The following PLEKHG1 variants were observed in gnomAD, a reference collection of about 807,000 sequenced individuals.
PLEKHG1 encodes pleckstrin homology and RhoGEF domain containing G1, also known as pleckstrin homology domain-containing family G member 1.
Under a neutral mutation model 100.8 loss-of-function variants are expected in PLEKHG1, and 44 were observed. That is an observed-to-expected ratio of 0.44 (90% confidence interval 0.34 to 0.56). PLEKHG1 has a LOEUF of 0.56. Among genes scored for constraint, PLEKHG1 ranks in the 20% least tolerant of loss-of-function variants. The pLI is 0.01. For synonymous variants in PLEKHG1, 640 were observed against 662.5 expected, an observed-to-expected ratio of 0.97 and a Z score of 0.52; for missense variants, 1,545 against 1,720.9, an observed-to-expected ratio of 0.90 and a Z score of 1.81.
At chr6:150,659,173 C>T (rs1385867334) in intron 3 of PLEKHG1, among the ~76,000 whole-genome samples, 1 of 152,156 alleles carries the variant, frequency 6.6e-6, no homozygotes, top group Non-Finnish European at 1.5e-5. Context: ...AACTCGTGAA[C>T]CTCCTGTTCA....
At chr6:150,749,821 C>T (rs890083782) in intron 2 of PLEKHG1, among the ~76,000 whole-genome samples, 3 of 152,154 alleles carry the variant, frequency 2.0e-5, no homozygotes, top group African/African-American at 7.2e-5. Flanking sequence ...TGCCTGTAAT[C>T]CCAGCACTTT....
At chr6:150,781,699 A>G (rs767233327) in intron 3 of PLEKHG1, among the ~76,000 whole-genome samples, 1 of 152,136 alleles carries the variant, frequency 6.6e-6, no homozygotes, top group Non-Finnish European at 1.5e-5. Flanking sequence ...TGATCTTTCA[A>G]AGGGAGTCTT....
rs1452966578 is a variant in PLEKHG1 at position 150,794,767 on chromosome 6, G to C, written c.583-1089G>C. On this transcript the variant is annotated intron_variant, in intron 4 of 15. Coordinates refer to ENST00000358517, the Ensembl canonical transcript of PLEKHG1. The stretch of plus-strand genomic sequence containing the variant: ...GAATGATGGGGAAGCAGGGGAATGG[G>C]GGGTGGGGCAGAGACGAGGAGTTAA... Among the ~76,000 whole-genome samples the C allele has an allele frequency of 3.9e-5, 6 of 152,226 alleles. No homozygotes were observed. In the East Asian group the frequency reaches 5.8e-4, roughly 15 times the overall value.
intron 3 of PLEKHG1, among the ~76,000 whole-genome samples, chr6:150,781,615 C>T (rs898773426): frequency 1.3e-4 from 19 of 151,170 alleles, no homozygotes; most frequent in East Asian, 3.9e-4. Flanking sequence ...TTTTTTTAAA[C>T]GGGAAAAGAG....
intron 3 of PLEKHG1, among the ~76,000 whole-genome samples, chr6:150,701,758 A>C (rs369731954): frequency 6.6e-6 from 1 of 151,808 alleles, no homozygotes; most frequent in East Asian, 1.9e-4. Flanking sequence ...TTAAAAAACA[A>C]AAAAAAGAAT....
chr6:150,694,866 T>A, intron 3 of PLEKHG1, among the ~76,000 whole-genome samples: 1 of 152,190 alleles, frequency 6.6e-6, no homozygotes. Flanking sequence ...GCTGTAGTTC[T>A]TAGTAGCTGG....
intron 3 of PLEKHG1, among the ~76,000 whole-genome samples, chr6:150,684,377 C>G (rs938013176): frequency 6.6e-6 from 1 of 152,184 alleles, no homozygotes; most frequent in African/African-American, 2.4e-5. Flanking sequence ...TCGGGAATGA[C>G]GAATGCACAA....
intron 2 of PLEKHG1, among the ~76,000 whole-genome samples, chr6:150,643,789 G>GT (rs1254162478): frequency 6.6e-6 from 1 of 152,066 alleles, no homozygotes; most frequent in Non-Finnish European, 1.5e-5. Context: ...TAAAACTCAT[G>GT]TATCTACTGG....
chr6:150,773,546 T>C (rs935141837), intron 3 of PLEKHG1, among the ~76,000 whole-genome samples: 1 of 152,134 alleles, frequency 6.6e-6, no homozygotes, highest in Non-Finnish European at 1.5e-5. Flanking sequence ...AAAATAAAAA[T>C]AAAAATAACA....
chr6:150,621,110 A>G (rs1368027355), intron 1 of PLEKHG1, among the ~76,000 whole-genome samples: 1 of 152,182 alleles, frequency 6.6e-6, no homozygotes, highest in Non-Finnish European at 1.5e-5. Flanking sequence ...GAGTTGTTGC[A>G]AAGAGTCATT....
intron 2 of PLEKHG1, among the ~76,000 whole-genome samples, chr6:150,642,878 T>C (rs1326368473): frequency 2.0e-5 from 3 of 152,354 alleles, no homozygotes; most frequent in Non-Finnish European, 4.4e-5. Flanking sequence ...TATTTTTCTA[T>C]GTAACCCCAG....
chr6:150,677,798 G>A (rs1779809744), intron 3 of PLEKHG1, among the ~76,000 whole-genome samples: 1 of 151,952 alleles, frequency 6.6e-6, no homozygotes, highest in African/African-American at 2.4e-5. Flanking sequence ...GGTCACTTGA[G>A]CCTGGGAGTT....
At chr6:150,715,540 T>C (rs1781396726) in intron 3 of PLEKHG1, among the ~76,000 whole-genome samples, 1 of 148,760 alleles carries the variant, frequency 6.7e-6, no homozygotes, top group East Asian at 2.0e-4. Context: ...CAGGCTGGAG[T>C]GCAGTGGCAT....
chr6:150,664,196 C>T (rs1176059682), intron 3 of PLEKHG1: 1 of 152,206 alleles, frequency 6.6e-6, no homozygotes, highest in Non-Finnish European at 1.5e-5. Context: ...AAGAGGTTCC[C>T]TTGTCCATGT....
chr6:150,830,558 T>C, intron 14 of PLEKHG1, 24 bp from the exon 16 acceptor site: 1 of 1,538,908 alleles, frequency 6.5e-7, no homozygotes, highest in Non-Finnish European at 8.8e-7. Flanking sequence ...TGTGATTCAG[T>C]TGATATGTTT....
chr6:150,773,974 G>T (rs1784828388), intron 3 of PLEKHG1, among the ~76,000 whole-genome samples: 1 of 151,742 alleles, frequency 6.6e-6, no homozygotes, highest in Non-Finnish European at 1.5e-5. Context: ...ATGTTATTTG[G>T]ACTAGAACAT....
chr6:150,783,542 G>T (rs1286454276), intron 3 of PLEKHG1, among the ~76,000 whole-genome samples: 1 of 151,950 alleles, frequency 6.6e-6, no homozygotes, highest in Non-Finnish European at 1.5e-5. Context: ...GCTAATTTTT[G>T]AATTTTTGGT....
chr6:150,639,476 C>T (rs1778157821), intron 2 of PLEKHG1, among the ~76,000 whole-genome samples: 1 of 151,426 alleles, frequency 6.6e-6, no homozygotes, highest in Non-Finnish European at 1.5e-5. Flanking sequence ...CTCTGGTGAT[C>T]TAGAACACTA....
At chr6:150,602,946 T>A in intron 1 of PLEKHG1, among the ~76,000 whole-genome samples, 1 of 151,040 alleles carries the variant, frequency 6.6e-6, no homozygotes, top group African/African-American at 2.4e-5. Context: ...CCGGGCGAGG[T>A]GGCGGGCACC....
Sources: allele counts gnomAD v4.1 joint callset (sites outside exome capture counted in the v4.1 genomes callset), GRCh38; gene constraint gnomAD v4.1.1; transcripts MANE v1.5; gene names NCBI Gene and HGNC (gene_info 2026-07-23, HGNC 2026-07-21).